The following MGAT4C variants were observed in gnomAD, a reference collection of about 807,000 sequenced individuals.
MGAT4C encodes the protein alpha-1,3-mannosyl-glycoprotein 4-beta-N-acetylglucosaminyltransferase C.
In MGAT4C, 19 loss-of-function variants were observed where a neutral mutation model predicts 40.1. That is an observed-to-expected ratio of 0.47 (90% CI 0.33 to 0.70). The LOEUF (loss-of-function observed/expected upper bound fraction) is 0.70, where lower values mean the gene tolerates loss of function less well. Ranked by LOEUF, MGAT4C falls within the 30% of genes least tolerant of loss-of-function variation. The pLI is 0.02. For synonymous variants in MGAT4C, 181 were observed against 187.1 expected (o/e 0.97, Z 0.27); for missense variants, 491 against 563.2 (o/e 0.87, Z 1.30).
At chr12:86,104,788 C>A (rs1433774706) in intron 1 of MGAT4C, among the ~76,000 whole-genome samples, 1 of 152,090 alleles carries the variant, frequency 6.6e-6, no homozygotes, top group African/African-American at 2.4e-5. Context: ...TATGTATCAT[C>A]TTCTAATTTT....
chr12:86,141,115 A>T (rs962958852), intron 1 of MGAT4C, among the ~76,000 whole-genome samples: 1 of 152,198 alleles, frequency 6.6e-6, no homozygotes, highest in Non-Finnish European at 1.5e-5. Flanking sequence ...CTGAAAAATA[A>T]GTGTCACATA....
intron 1 of MGAT4C, among the ~76,000 whole-genome samples, chr12:86,197,323 G>A (rs887819273): frequency 7.2e-5 from 11 of 152,118 alleles, no homozygotes; most frequent in African/African-American, 1.7e-4. Flanking sequence ...ATATATGTAT[G>A]TGTGTATACA....
intron 3 of MGAT4C, among the ~76,000 whole-genome samples, chr12:86,417,060 A>G (rs1956732707): frequency 6.6e-6 from 1 of 152,158 alleles, no homozygotes; most frequent in South Asian, 2.1e-4. Context: ...GTATGTTGTT[A>G]CAACAGCACT....
intron 1 of MGAT4C, among the ~76,000 whole-genome samples, chr12:86,754,046 C>T (rs750945880): frequency 1.3e-5 from 2 of 152,102 alleles, no homozygotes; most frequent in African/African-American, 2.4e-5. Flanking sequence ...TGTAAGCATT[C>T]GTAGTAGCTC....
intron 3 of MGAT4C, among the ~76,000 whole-genome samples, chr12:86,431,487 A>G (rs1957038259): frequency 6.6e-6 from 1 of 152,184 alleles, no homozygotes; most frequent in Non-Finnish European, 1.5e-5. Context: ...TCCCTTGACG[A>G]GTATACTGAT....
chr12:86,389,360 G>A (rs1592778277), intron 3 of MGAT4C, among the ~76,000 whole-genome samples: 1 of 152,082 alleles, frequency 6.6e-6, no homozygotes, highest in African/African-American at 2.4e-5. Flanking sequence ...CATGTCCCTG[G>A]AAAGGACATG....
At chr12:86,171,626 G>A (rs839109) in intron 1 of MGAT4C, among the ~76,000 whole-genome samples, 135,005 of 152,196 alleles carry the variant, frequency 0.89, 60,122 homozygotes, top group East Asian at 1. Flanking sequence ...ATATTGCAGC[G>A]GGGTTTAAAA....
chr12:86,221,677 C>T (rs150692289), intron 1 of MGAT4C, among the ~76,000 whole-genome samples: 1 of 152,302 alleles, frequency 6.6e-6, no homozygotes, highest in Non-Finnish European at 1.5e-5. Flanking sequence ...CAGCCAATTA[C>T]AGGCTGTCAC....
At chr12:86,764,100 C>A (rs934285651) in intron 1 of MGAT4C, among the ~76,000 whole-genome samples, 3 of 152,130 alleles carry the variant, frequency 2.0e-5, no homozygotes, top group Non-Finnish European at 4.4e-5. Flanking sequence ...AGGGAGTTCC[C>A]TTTCCTAGTC....
intron 4 of MGAT4C, among the ~76,000 whole-genome samples, chr12:86,301,343 TA>T (rs1953806336): frequency 6.6e-6 from 1 of 152,168 alleles, no homozygotes; most frequent in Non-Finnish European, 1.5e-5. Context: ...CTCTTGAGTA[TA>T]ATAAATAATT....
chr12:86,248,656 C>G (rs902779277), intron 1 of MGAT4C, among the ~76,000 whole-genome samples: 1 of 152,080 alleles, frequency 6.6e-6, no homozygotes, highest in African/African-American at 2.4e-5. Context: ...CTGTTGTGCT[C>G]TGCTATGACA....
intron 2 of MGAT4C, among the ~76,000 whole-genome samples, chr12:86,466,295 C>G (rs1957681997): frequency 6.6e-6 from 1 of 151,996 alleles, no homozygotes; most frequent in African/African-American, 2.4e-5. Context: ...ACTAAGATGA[C>G]CTTCAGTAGG....
chr12:86,544,378 C>A (rs375517827), intron 2 of MGAT4C, among the ~76,000 whole-genome samples: 1 of 151,950 alleles, frequency 6.6e-6, no homozygotes, highest in Non-Finnish European at 1.5e-5. Context: ...ATTTGCAAAG[C>A]AATATATATG....
intron 2 of MGAT4C, among the ~76,000 whole-genome samples, chr12:86,561,676 G>A (rs942243444): frequency 6.6e-6 from 1 of 152,084 alleles, no homozygotes; most frequent in African/African-American, 2.4e-5. Context: ...TCAGATTGTA[G>A]GTGGCCTATT....
At chr12:86,833,415 CAGA>C (rs1704086897) in intron 1 of MGAT4C, among the ~76,000 whole-genome samples, 1 of 151,962 alleles carries the variant, frequency 6.6e-6, no homozygotes, top group African/African-American at 2.4e-5. Flanking sequence ...GCTTAAATAA[CAGA>C]AGTTTATTTT....
intron 2 of MGAT4C, among the ~76,000 whole-genome samples, chr12:86,620,562 T>C (rs1474579510): frequency 6.6e-6 from 1 of 152,114 alleles, no homozygotes; most frequent in African/African-American, 2.4e-5. Flanking sequence ...GGAGATTCTA[T>C]AAGGTGGGAG....
intron 4 of MGAT4C, among the ~76,000 whole-genome samples, chr12:86,317,937 T>C (rs1954285921): frequency 1.3e-5 from 2 of 151,696 alleles, no homozygotes; most frequent in African/African-American, 2.4e-5. Context: ...AGAAATCTCA[T>C]AGTTATCCTT....
At chr12:86,768,155 C>T (rs1469731332) in intron 1 of MGAT4C, among the ~76,000 whole-genome samples, 1 of 152,124 alleles carries the variant, frequency 6.6e-6, no homozygotes, top group Non-Finnish European at 1.5e-5. Flanking sequence ...AGCTGATAAG[C>T]AACTTCAGCA....
chr12:86,250,654 ACTTT>A (rs1952237086), intron 1 of MGAT4C, among the ~76,000 whole-genome samples: 1 of 152,110 alleles, frequency 6.6e-6, no homozygotes. Flanking sequence ...AAGCTATAAG[ACTTT>A]CTATTTTATT....
Sources: allele counts gnomAD v4.1 joint callset (sites outside exome capture counted in the v4.1 genomes callset), GRCh38; gene constraint gnomAD v4.1.1; transcripts MANE v1.5; gene names NCBI Gene and HGNC (gene_info 2026-07-23, HGNC 2026-07-21).